Variants in MID1 observed in about 807,000 individuals in gnomAD.
MID1 encodes midline 1, also known as E3 ubiquitin-protein ligase Midline-1.
A neutral mutation model predicts 40.4 loss-of-function variants in MID1; 7 were observed. The observed-to-expected ratio is 0.17, with a 90% CI of 0.10 to 0.33. MID1 has a LOEUF of 0.33. Among genes scored for constraint, MID1 ranks in the 10% least tolerant of loss-of-function variants. The pLI, the probability that MID1 is intolerant of heterozygous loss-of-function variation, is 1.00. For missense variants in MID1, 367 were observed against 558.5 expected, an observed-to-expected ratio of 0.66 and a Z score of 3.46; for synonymous variants, 229 against 221.2, an observed-to-expected ratio of 1.04 and a Z score of -0.31.
chrX:10,824,427 T>C (rs1333711581), intron 1 of MID1, among the ~76,000 whole-genome samples: 1 of 112,269 alleles, frequency 8.9e-6, no homozygotes, highest in African/African-American at 3.2e-5. Flanking sequence ...ACTATATTCA[T>C]GGACAAGGTG....
intron 7 of MID1, among the ~76,000 whole-genome samples, chrX:10,467,922 C>T (rs1324543381): frequency 8.0e-5 from 9 of 111,894 alleles, no homozygotes; most frequent in Non-Finnish European, 1.7e-4. Context: ...CTATGCCCTG[C>T]TACGTTACAT....
chrX:10,666,073 C>T (rs1035607431), intron 1 of MID1, among the ~76,000 whole-genome samples: 7 of 106,010 alleles, frequency 6.6e-5, no homozygotes, highest in Non-Finnish European at 1.2e-4. Flanking sequence ...ACGCAAGACA[C>T]GATGAGAGAG....
chrX:10,497,561 T>C (rs1602306683), intron 3 of MID1, among the ~76,000 whole-genome samples: 1 of 111,818 alleles, frequency 8.9e-6, no homozygotes, highest in South Asian at 3.8e-4. Context: ...TCTTAGTAAT[T>C]TTCCATCCAC....
chrX:10,654,435 T>C (rs2042855316), intron 1 of MID1, among the ~76,000 whole-genome samples: 1 of 111,403 alleles, frequency 9.0e-6, no homozygotes, highest in African/African-American at 3.3e-5. Flanking sequence ...GAATCCGGGA[T>C]GGGTGGGAGG....
chrX:10,477,488 A>AGAT (rs1930077611), intron 5 of MID1, among the ~76,000 whole-genome samples: 1 of 112,169 alleles, frequency 8.9e-6, no homozygotes, highest in Admixed American at 9.4e-5. Context: ...ATGGAAGGAA[A>AGAT]GATACTTATC....
intron 1 of MID1, among the ~76,000 whole-genome samples, chrX:10,692,914 A>G (rs2043140044): frequency 9.0e-6 from 1 of 111,348 alleles, no homozygotes; most frequent in Non-Finnish European, 1.9e-5. Flanking sequence ...GTTGAATGAG[A>G]CAAAAGGATA....
At chrX:10,787,136 C>T (rs1047418995) in intron 1 of MID1, among the ~76,000 whole-genome samples, 37 of 111,121 alleles carry the variant, frequency 3.3e-4, no homozygotes, top group Admixed American at 1.1e-3. Context: ...AAAAAAGGGA[C>T]ACTATATTTA....
chrX:10,474,995 GA>G (rs1242711327), intron 5 of MID1: 15 of 432,101 alleles, frequency 3.5e-5, no homozygotes, highest in East Asian at 1.5e-4. Context: ...TTACTATCAG[GA>G]AAAAAAATTC....
intron 4 of MID1, among the ~76,000 whole-genome samples, chrX:10,489,664 G>A (rs961432909): frequency 2.8e-5 from 3 of 106,607 alleles, no homozygotes; most frequent in African/African-American, 1.0e-4. Flanking sequence ...ATCAGCTGAT[G>A]TTAGTTCTCC....
intron 1 of MID1, among the ~76,000 whole-genome samples, chrX:10,701,181 C>T (rs756338550): frequency 1.8e-5 from 2 of 111,950 alleles, no homozygotes; most frequent in South Asian, 3.7e-4. Flanking sequence ...GTGTGAATCC[C>T]ATTAGTGCTG....
intron 1 of MID1, among the ~76,000 whole-genome samples, chrX:10,636,946 T>C (rs1458291942): frequency 9.6e-6 from 1 of 104,488 alleles, no homozygotes; most frequent in Non-Finnish European, 2.0e-5. Context: ...ATCAGAAGCA[T>C]TTGGGGTGCA....
chrX:10,519,288 A>C (rs1026200878), intron 3 of MID1, among the ~76,000 whole-genome samples: 1 of 112,130 alleles, frequency 8.9e-6, no homozygotes, highest in Admixed American at 9.5e-5. Context: ...AAAATAAAAT[A>C]TGGCACACAG....
intron 1 of MID1, among the ~76,000 whole-genome samples, chrX:10,629,204 ATT>A (rs35720735): frequency 9.9e-6 from 1 of 101,236 alleles, no homozygotes; most frequent in African/African-American, 3.6e-5. Context: ...CACTTTAATG[ATT>A]TTTTTTTTTT....
chrX:10,691,453 T>C (rs1200211912), intron 1 of MID1, among the ~76,000 whole-genome samples: 2 of 111,933 alleles, frequency 1.8e-5, no homozygotes, highest in African/African-American at 6.5e-5. Flanking sequence ...TTAATACTTT[T>C]ATAATTTCTT....
chrX:10,572,470 G>A (rs1934764429), intron 1 of MID1, among the ~76,000 whole-genome samples: 1 of 110,192 alleles, frequency 9.1e-6, no homozygotes, highest in African/African-American at 3.3e-5. Context: ...AGAATCACTT[G>A]AACCCAGGAG....
chrX:10,820,507 G>A (rs1348238233), intron 1 of MID1, among the ~76,000 whole-genome samples: 1 of 111,538 alleles, frequency 9.0e-6, no homozygotes, highest in Non-Finnish European at 1.9e-5. Context: ...TACCTACAGG[G>A]CCAATTATCT....
intron 1 of MID1, among the ~76,000 whole-genome samples, chrX:10,778,907 G>T (rs983390903): frequency 2.6e-5 from 3 of 113,429 alleles, no homozygotes; most frequent in Non-Finnish European, 5.6e-5. Flanking sequence ...AGCAAACAGA[G>T]AAATAAAGAA....
chrX:10,710,579 C>A (rs908799246), intron 1 of MID1, among the ~76,000 whole-genome samples: 1 of 110,252 alleles, frequency 9.1e-6, no homozygotes, highest in South Asian at 3.9e-4. Context: ...GAGTTATTAG[C>A]TTGTTTTGAG....
intron 1 of MID1, among the ~76,000 whole-genome samples, chrX:10,602,036 T>C (rs1935535512): frequency 9.2e-6 from 1 of 108,237 alleles, no homozygotes; most frequent in South Asian, 4.1e-4. Flanking sequence ...TAGCTGGGAC[T>C]ACAAGTGCCC....
Sources: allele counts gnomAD v4.1 joint callset (sites outside exome capture counted in the v4.1 genomes callset), GRCh38; gene constraint gnomAD v4.1.1; transcripts MANE v1.5; gene names NCBI Gene and HGNC (gene_info 2026-07-23, HGNC 2026-07-21).